The following CLUL1 variants were observed in gnomAD, a reference collection of about 807,000 sequenced individuals.
CLUL1 encodes the protein clusterin like 1, also known as clusterin-like protein 1.
Under a neutral mutation model 49.4 loss-of-function variants are expected in CLUL1, and 43 were observed. The observed-to-expected ratio is 0.87, with a 90% CI of 0.68 to 1.12. CLUL1 has a LOEUF of 1.12. CLUL1 is among the 50% of genes most tolerant of loss of function. CLUL1 has a pLI of 0.00. For missense variants in CLUL1, 486 were observed against 544.4 expected (o/e 0.89, Z 1.07); for synonymous variants, 192 against 184.9 (o/e 1.04, Z -0.31).
At chr18:634,028 A>G (rs2074070365) in intron 7 of CLUL1, among the ~76,000 whole-genome samples, 1 of 152,218 alleles carries the variant, frequency 6.6e-6, no homozygotes, top group African/African-American at 2.4e-5. Context: ...ACAGAGGACA[A>G]AATCTCATTC....
intron 2 of CLUL1, among the ~76,000 whole-genome samples, chr18:616,080 G>A (rs1221072849): frequency 6.6e-6 from 1 of 152,216 alleles, no homozygotes; most frequent in Non-Finnish European, 1.5e-5. Flanking sequence ...AGTTGCCAGA[G>A]AGACCCATCG....
chr18:604,886 A>G (rs151031170), intron 1 of CLUL1, among the ~76,000 whole-genome samples: 13 of 152,364 alleles, frequency 8.5e-5, no homozygotes, highest in African/African-American at 2.4e-4. Flanking sequence ...CCCTGTTCGT[A>G]TAAGGCATGA....
chr18:645,888 T>C (rs2074491920), intron 9 of CLUL1, among the ~76,000 whole-genome samples: 1 of 128,752 alleles, frequency 7.8e-6, no homozygotes, highest in Admixed American at 8.8e-5. Context: ...AACAAGAGAA[T>C]GATTAAGTAG....
intron 8 of CLUL1, among the ~76,000 whole-genome samples, 194 bp from the exon 9 acceptor site, chr18:644,716 C>T (rs540266559): frequency 1.8e-3 from 279 of 152,338 alleles, no homozygotes; most frequent in African/African-American, 6.2e-3. Context: ...TCAGTGTTTA[C>T]TGGTGTGGAG....
rs541194324 is a variant in CLUL1, at chr18:606,748, G to A, written c.-135-230G>A. Among the ~76,000 whole-genome samples, 2 of 152,172 alleles carry A rather than the reference G, an allele frequency of 1.3e-5. No individual in the cohort carries two copies. Among genetic ancestry groups the A allele is most frequent in the South Asian group, 2.1e-4 (1 of 4,810 alleles). On this transcript the variant is annotated intron_variant, in intron 1 of 9. Coordinates refer to ENST00000692774, the MANE Select transcript of CLUL1 (RefSeq NM_001393344.1). This position sits in a 1 kb window ranked among gnomAD's most constrained non-coding sequence, Gnocchi z 4.1. ...GAAAAAGAGGATTATATAATAAAAC[G>A]TAAAACAACAAACATATACACACAA...
chr18:613,814 G>A (rs892489491), intron 2 of CLUL1, among the ~76,000 whole-genome samples: 1 of 152,164 alleles, frequency 6.6e-6, no homozygotes, highest in Non-Finnish European at 1.5e-5. Context: ...ACTCTGTGTG[G>A]CTCAATAAAA....
intron 7 of CLUL1, among the ~76,000 whole-genome samples, chr18:636,699 C>T (rs1211625229): frequency 2.0e-5 from 3 of 148,816 alleles, no homozygotes; most frequent in African/African-American, 7.5e-5. Flanking sequence ...GATCTCGGCT[C>T]ACTGCAACCT....
intron 4 of CLUL1, among the ~76,000 whole-genome samples, chr18:623,955 C>T (rs1446682586): frequency 6.6e-6 from 1 of 152,170 alleles, no homozygotes; most frequent in African/African-American, 2.4e-5. Flanking sequence ...TGGCCAGATC[C>T]ACTATACTCA....
chr18:610,759 G>A (rs1466014496), intron 2 of CLUL1, among the ~76,000 whole-genome samples: 3 of 152,268 alleles, frequency 2.0e-5, no homozygotes, highest in East Asian at 3.9e-4. Context: ...ATCCAAGGCT[G>A]GGGGAGGTGG....
rs745484238 is a variant in CLUL1, at chr18:617,154, CTG to C, written c.-13-833_-13-832del. Among the ~76,000 whole-genome samples, 8 of 152,224 alleles carry C rather than the reference CTG, an allele frequency of 5.3e-5. No homozygotes were observed. In the East Asian group the frequency reaches 9.6e-4, roughly 18 times the overall value. The stretch of plus-strand genomic sequence containing the variant: ...TTAAACTCAAAGGGAAATTCATTAA[CTG>C]AGAAGAAAAAATTTTAACTGTGCAC... On this transcript the variant is annotated intron_variant, in intron 2 of 9. Transcript: ENST00000692774.
At chr18:649,665 C>T in intron 9 of CLUL1, 1 of 443,012 alleles carries the variant, frequency 2.3e-6, no homozygotes, top group Non-Finnish European at 4.0e-6. Flanking sequence ...AGGAAAAGAC[C>T]ATCTTAGAGG....
chr18:597,896 C>T (rs913728441), intron 1 of CLUL1: 4 of 152,170 alleles, frequency 2.6e-5, no homozygotes, highest in African/African-American at 9.7e-5. Context: ...CTGAGGTTAA[C>T]GAAGTAAAGA....
intron 1 of CLUL1, among the ~76,000 whole-genome samples, chr18:601,503 T>A (rs964044186): frequency 6.6e-6 from 1 of 152,056 alleles, no homozygotes; most frequent in African/African-American, 2.4e-5. Flanking sequence ...AAAAATTAGT[T>A]GTGCGTGGTG....
intron 2 of CLUL1, among the ~76,000 whole-genome samples, chr18:612,223 C>T (rs768669671): frequency 2.0e-5 from 3 of 152,218 alleles, no homozygotes; most frequent in Admixed American, 6.5e-5. Context: ...AAATCCTCCA[C>T]AATTATCCAG....
At chr18:645,740 G>C (rs2074457796) in intron 9 of CLUL1, among the ~76,000 whole-genome samples, 2 of 135,612 alleles carry the variant, frequency 1.5e-5, no homozygotes, top group African/African-American at 2.8e-5. Flanking sequence ...CTTGCAGTGA[G>C]CAGAGATCGC....
At chr18:633,155 C>T in intron 6 of CLUL1, 143 bp from the exon 7 acceptor site, 1 of 590,996 alleles carries the variant, frequency 1.7e-6, no homozygotes, top group Non-Finnish European at 2.7e-6. Context: ...GACTCTGTCT[C>T]AAAAATAAAT....
intron 9 of CLUL1, among the ~76,000 whole-genome samples, chr18:648,054 G>GTAA (rs2074562568): frequency 6.6e-6 from 1 of 152,182 alleles, no homozygotes. Flanking sequence ...TACAACAAGA[G>GTAA]TAACAGTAGG....
intron 7 of CLUL1, among the ~76,000 whole-genome samples, chr18:634,729 T>A (rs1393960929): frequency 6.6e-6 from 1 of 152,104 alleles, no homozygotes; most frequent in Non-Finnish European, 1.5e-5. Context: ...AGCATTTAAA[T>A]AGGGAAAGTG....
At chr18:637,357 C>T (rs2074176118) in intron 7 of CLUL1, among the ~76,000 whole-genome samples, 2 of 152,070 alleles carry the variant, frequency 1.3e-5, no homozygotes, top group Admixed American at 1.3e-4. Flanking sequence ...GTTACACGGG[C>T]CACAGAACAA....
Sources: allele counts gnomAD v4.1 joint callset (sites outside exome capture counted in the v4.1 genomes callset), GRCh38; gene constraint gnomAD v4.1.1; non-coding constraint Gnocchi (gnomAD v3.1); transcripts MANE v1.5; gene names NCBI Gene and HGNC (gene_info 2026-07-23, HGNC 2026-07-21).